The following CDK14 variants were observed in gnomAD, a reference collection of about 807,000 sequenced individuals.
CDK14 encodes cyclin-dependent kinase 14.
A neutral mutation model predicts 60.7 loss-of-function variants in CDK14; 34 were observed. The observed-to-expected ratio is 0.56, with a 90% confidence interval of 0.43 to 0.75. The LOEUF is 0.75. Among genes scored for constraint, CDK14 ranks in the 30% least tolerant of loss-of-function variants. The probability of loss-of-function intolerance (pLI) is 0.00; values close to 1 mark genes in which losing one functional copy is unlikely to be tolerated. For missense variants in CDK14, 482 were observed against 564.1 expected (o/e 0.85, Z 1.47); for synonymous variants, 197 against 203.7 (o/e 0.97, Z 0.28).
intron 14 of CDK14, among the ~76,000 whole-genome samples, chr7:91,183,199 G>A (rs574121486): frequency 6.6e-6 from 1 of 152,312 alleles, no homozygotes; most frequent in African/African-American, 2.4e-5. Flanking sequence ...AACCCAGGCT[G>A]GGGTGGTGCA....
Position 90,880,629 on chromosome 7 carries a change from G to A in CDK14, c.639+17360G>A, listed in dbSNP as rs969542984. Reference sequence around the variant, plus strand: ...CTGCTCCCATGCCACCCAACTGGATGAGACCATCCAACGGGGGTAGTCAGA... The same window carrying A: ...CTGCTCCCATGCCACCCAACTGGATAAGACCATCCAACGGGGGTAGTCAGA... On this transcript the variant is annotated intron_variant, in intron 6 of 14. Transcript: ENST00000380050. Among the ~76,000 whole-genome samples the A allele has an allele frequency of 2.6e-5, 4 of 152,224 alleles. No homozygotes were observed. The South Asian group carries it at 8.3e-4, about 32-fold the overall frequency.
chr7:90,634,719 C>G (rs80205828), intron 2 of CDK14, among the ~76,000 whole-genome samples: 46,099 of 150,624 alleles, frequency 0.31, 7,785 homozygotes, highest in East Asian at 0.67. Context: ...CTGACTTCCA[C>G]AATGGTTGAA....
intron 14 of CDK14, among the ~76,000 whole-genome samples, chr7:91,173,669 C>T (rs1282094916): frequency 1.3e-5 from 2 of 152,334 alleles, no homozygotes; most frequent in East Asian, 1.9e-4. Flanking sequence ...AGGGAGTTCC[C>T]TTTCTGAGTC....
intron 7 of CDK14, among the ~76,000 whole-genome samples, chr7:90,913,278 G>T (rs1171995289): frequency 6.6e-6 from 1 of 152,198 alleles, no homozygotes; most frequent in Non-Finnish European, 1.5e-5. Context: ...AGTCCATGGG[G>T]CATTCCATTG....
At chr7:90,840,903 TCATTGA>T (rs16704) in intron 5 of CDK14, among the ~76,000 whole-genome samples, 108,749 of 151,084 alleles carry the variant, frequency 0.72, 39,304 homozygotes, top group East Asian at 0.88. Context: ...TTTAACTTTT[TCATTGA>T]CATTGTGTCT....
At chr7:91,078,813 C>T (rs1798396768) in intron 11 of CDK14, among the ~76,000 whole-genome samples, 1 of 152,122 alleles carries the variant, frequency 6.6e-6, no homozygotes, top group Admixed American at 6.5e-5. Flanking sequence ...ATTGGTATAT[C>T]ATCAGAAGTG....
intron 2 of CDK14, among the ~76,000 whole-genome samples, chr7:90,722,142 C>G (rs1456755230): frequency 6.6e-6 from 1 of 151,612 alleles, no homozygotes; most frequent in Non-Finnish European, 1.5e-5. Flanking sequence ...CCCCTCTTAC[C>G]CCTCTTCCCC....
At chr7:90,598,512 A>C (rs546914439) in intron 1 of CDK14, among the ~76,000 whole-genome samples, 195 of 152,254 alleles carry the variant, frequency 1.3e-3, no homozygotes, top group African/African-American at 4.4e-3. Context: ...TTGATGGAAA[A>C]TATGATTCTG....
chr7:91,139,234 G>A (rs1395274147), intron 14 of CDK14, among the ~76,000 whole-genome samples: 1 of 152,062 alleles, frequency 6.6e-6, no homozygotes, highest in Non-Finnish European at 1.5e-5. Flanking sequence ...ACTCCTTATT[G>A]GATAGTGATA....
At chr7:90,794,924 A>C (rs1805992345) in intron 5 of CDK14, among the ~76,000 whole-genome samples, 2 of 152,192 alleles carry the variant, frequency 1.3e-5, no homozygotes, top group African/African-American at 4.8e-5. Context: ...GGAACTAATA[A>C]ATGTCCATGA....
intron 10 of CDK14, among the ~76,000 whole-genome samples, chr7:91,009,161 A>G (rs1025341254): frequency 6.6e-6 from 1 of 152,240 alleles, no homozygotes. Flanking sequence ...GAGCATAACT[A>G]TTTTGAGATC....
In CDK14 at chr7:91,206,084, G is replaced by A. The variant is rs140090366; in HGVS notation, c.*29-1081G>A. The stretch of plus-strand genomic sequence containing the variant: ...GCTGGGATTACAGGCATGAGCCACC[G>A]TGCCCGGCCACTATTTTAATGGTTC... On this transcript the variant is annotated intron_variant, in intron 14 of 14. Coordinates refer to ENST00000380050, the MANE Select transcript of CDK14 (RefSeq NM_001287135.2). 1.7e-3 allele frequency among the ~76,000 whole-genome samples: 264 copies of A among 152,222 alleles called. 1 individual carries two copies. Among genetic ancestry groups the A allele is most frequent in the Non-Finnish European group, 2.8e-3 (193 of 68,010 alleles).
intron 12 of CDK14, among the ~76,000 whole-genome samples, chr7:91,083,386 A>C (rs1186377699): frequency 6.6e-6 from 1 of 152,130 alleles, no homozygotes; most frequent in Non-Finnish European, 1.5e-5. Flanking sequence ...AGAACACTGC[A>C]TGAGGTGTAG....
At chr7:90,900,186 A>G in intron 7 of CDK14, among the ~76,000 whole-genome samples, 1 of 150,660 alleles carries the variant, frequency 6.6e-6, no homozygotes, top group Admixed American at 6.7e-5. Flanking sequence ...ACAAGTTAAT[A>G]GAGGCTTTTG....
chr7:90,877,491 C>G (rs1281150171), intron 6 of CDK14, among the ~76,000 whole-genome samples: 1 of 152,104 alleles, frequency 6.6e-6, no homozygotes, highest in Non-Finnish European at 1.5e-5. Context: ...TTCCTTTCTT[C>G]TCAAATATGT....
intron 2 of CDK14, among the ~76,000 whole-genome samples, chr7:90,655,410 A>C (rs992814194): frequency 2.0e-5 from 3 of 152,202 alleles, no homozygotes; most frequent in African/African-American, 7.2e-5. Context: ...TCGGTTTAAA[A>C]AAAAAACAGC....
chr7:90,969,074 G>A lies in CDK14; in HGVS notation c.947+13257G>A, dbSNP rs532739421. Among the ~76,000 whole-genome samples the A allele has an allele frequency of 1.6e-4, 25 of 152,224 alleles. No homozygotes were observed. The East Asian group carries it at 4.6e-3, about 28-fold the overall frequency. ...CCAGACTGCAAAGCTACATTCCAGG[G>A]CAAATATTTGAGAATATTCCAAGAA... On this transcript the variant is annotated intron_variant, in intron 9 of 14. Coordinates refer to ENST00000380050, the MANE Select transcript of CDK14 (RefSeq NM_001287135.2).
intron 5 of CDK14, among the ~76,000 whole-genome samples, chr7:90,805,451 C>T (rs1296129670): frequency 6.6e-6 from 1 of 151,952 alleles, no homozygotes; most frequent in East Asian, 1.9e-4. Context: ...CACACACACA[C>T]ACAGCCATAT....
chr7:91,022,177 GTC>G (rs1431007123), intron 10 of CDK14, among the ~76,000 whole-genome samples: 1 of 152,180 alleles, frequency 6.6e-6, no homozygotes, highest in Non-Finnish European at 1.5e-5. Context: ...TCCATTCCCT[GTC>G]TCTTTGGGTG....
Sources: gnomAD v4.1 joint callset for allele counts (sites outside exome capture counted in the v4.1 genomes callset) on GRCh38, gnomAD v4.1.1 for gene constraint, MANE v1.5 for transcripts, NCBI Gene and HGNC (gene_info 2026-07-23, HGNC 2026-07-21) for gene names.